The following ZC3H11C variants were observed in gnomAD, a reference collection of about 807,000 sequenced individuals.
ZC3H11C encodes the protein zinc finger CCCH domain-containing protein 11C.
At chr6:65,305,568 C>T in the ZC3H11C span, among the ~76,000 whole-genome samples, 2 of 152,094 alleles carry the variant, frequency 1.3e-5, no homozygotes, top group East Asian at 1.9e-4. Flanking sequence ...CTCTGTTGGC[C>T]TCTGAAGAGC....
chr6:65,302,425 T>C, the ZC3H11C span: 1 of 635,044 alleles, frequency 1.6e-6, no homozygotes, highest in Non-Finnish European at 2.9e-6. Context: ...ATTTGGAAGA[T>C]TAAACCCATT....
chr6:65,302,315 A>G, the ZC3H11C span, among the ~76,000 whole-genome samples: 1 of 152,208 alleles, frequency 6.6e-6, no homozygotes, highest in Non-Finnish European at 1.5e-5. Context: ...TTCGACCTAC[A>G]GGCGTAATAG....
At chr6:65,305,730 T>C in the ZC3H11C span, among the ~76,000 whole-genome samples, 1 of 152,256 alleles carries the variant, frequency 6.6e-6, no homozygotes, top group East Asian at 1.9e-4. Flanking sequence ...ATGAAAATTG[T>C]CCCTTTTCTT....
At chr6:65,306,241 C>T in the ZC3H11C span, among the ~76,000 whole-genome samples, 19 of 152,242 alleles carry the variant, frequency 1.2e-4, no homozygotes, top group Admixed American at 4.6e-4. Flanking sequence ...CTGTTGTAAG[C>T]GGCTCATCAA....
the ZC3H11C span, among the ~76,000 whole-genome samples, chr6:65,301,767 C>T: frequency 3.1e-5 from 4 of 128,430 alleles, no homozygotes; most frequent in Admixed American, 3.1e-4. Flanking sequence ...ACCGTAATGA[C>T]GAACACCCCT....
the ZC3H11C span, among the ~76,000 whole-genome samples, chr6:65,305,402 C>G: frequency 6.6e-6 from 1 of 152,170 alleles, no homozygotes; most frequent in South Asian, 2.1e-4. Flanking sequence ...AAATTTTATG[C>G]TACCACTAAA....
the ZC3H11C span, among the ~76,000 whole-genome samples, chr6:65,302,258 A>T: frequency 6.6e-6 from 1 of 151,694 alleles, no homozygotes; most frequent in South Asian, 2.1e-4. Context: ...TGTGAGGAGG[A>T]AAATTTTTTC....
At chr6:65,306,523 T>A in the ZC3H11C span, among the ~76,000 whole-genome samples, 1 of 152,214 alleles carries the variant, frequency 6.6e-6, no homozygotes, top group Admixed American at 6.5e-5. Flanking sequence ...GTCCCTTTTG[T>A]AGATATTCTT....
At chr6:65,302,199 TA>T in the ZC3H11C span, among the ~76,000 whole-genome samples, 5 of 152,218 alleles carry the variant, frequency 3.3e-5, no homozygotes, top group Non-Finnish European at 7.3e-5. Flanking sequence ...GGAGATGTTT[TA>T]AAAACACATG....
the ZC3H11C span, among the ~76,000 whole-genome samples, chr6:65,302,104 T>G: frequency 6.6e-6 from 1 of 152,274 alleles, no homozygotes; most frequent in African/African-American, 2.4e-5. Context: ...CTCTTTTTTT[T>G]GTTTTGTTTT....
chr6:65,303,841 T>TA, the ZC3H11C span: 8 of 598,708 alleles, frequency 1.3e-5, no homozygotes, highest in African/African-American at 8.9e-5. Flanking sequence ...ATAGTGAAAT[T>TA]AAAAAAACAG....
chr6:65,305,549 C>T, the ZC3H11C span, among the ~76,000 whole-genome samples: 1 of 152,166 alleles, frequency 6.6e-6, no homozygotes, highest in African/African-American at 2.4e-5. Context: ...GATCTTGATG[C>T]TTCTGCTGCT....
chr6:65,301,685 C>T, the ZC3H11C span, among the ~76,000 whole-genome samples: 1 of 152,260 alleles, frequency 6.6e-6, no homozygotes, highest in Admixed American at 6.5e-5. Context: ...TCATTACACT[C>T]CCACCCCTGG....
At chr6:65,302,241 T>A in the ZC3H11C span, among the ~76,000 whole-genome samples, 1,885 of 138,104 alleles carry the variant, frequency 0.014, no homozygotes, top group African/African-American at 0.038. Flanking sequence ...AGAGGTTTTC[T>A]TGGCAATGTG....
chr6:65,306,042 C>T, the ZC3H11C span, among the ~76,000 whole-genome samples: 3 of 152,114 alleles, frequency 2.0e-5, no homozygotes, highest in Admixed American at 6.5e-5. Flanking sequence ...TTCATATCAC[C>T]TCAAGGTTTA....
chr6:65,305,578 CA>C, the ZC3H11C span, among the ~76,000 whole-genome samples: 4 of 152,086 alleles, frequency 2.6e-5, no homozygotes, highest in Non-Finnish European at 5.9e-5. Flanking sequence ...CTCTGAAGAG[CA>C]ATATCTAATT....
chr6:65,303,361 T>C, the ZC3H11C span: 2 of 1,122,780 alleles, frequency 1.8e-6, no homozygotes, highest in East Asian at 2.4e-5. Flanking sequence ...GATTGGGCCT[T>C]ACTGAGACAC....
At chr6:65,302,474 C>G in the ZC3H11C span, 2 of 649,382 alleles carry the variant, frequency 3.1e-6, no homozygotes, top group South Asian at 1.9e-5. Flanking sequence ...TTTGAGGAAG[C>G]AGTGGCTTGT....
the ZC3H11C span, among the ~76,000 whole-genome samples, chr6:65,305,362 G>A: frequency 4.1e-4 from 62 of 152,266 alleles, no homozygotes; most frequent in African/African-American, 1.4e-3. Context: ...AGTTTGAAAT[G>A]GATGAAGACA....
Sources: gnomAD v4.1 joint callset for allele counts (sites outside exome capture counted in the v4.1 genomes callset) on GRCh38, gnomAD v4.1.1 for gene constraint, MANE v1.5 for transcripts, NCBI Gene and HGNC (gene_info 2026-07-23, HGNC 2026-07-21) for gene names.